CFAP52: variants seen among roughly 807,000 people sequenced by gnomAD.
The protein encoded by CFAP52 is cilia and flagella associated protein 52, also known as cilia- and flagella-associated protein 52.
In CFAP52, 57 loss-of-function variants were observed where a neutral mutation model predicts 70.5. The observed-to-expected ratio is 0.81, with a 90% CI of 0.65 to 1.01. The LOEUF (loss-of-function observed/expected upper bound fraction) is 1.01, where lower values mean the gene tolerates loss of function less well. Among genes scored for constraint, CFAP52 ranks in the 50% least tolerant of loss-of-function variants. CFAP52 has a pLI of 0.00. For missense variants in CFAP52, 785 were observed against 788.5 expected (o/e 1.00, Z 0.05); for synonymous variants, 267 against 292.5 (o/e 0.91, Z 0.89).
At chr17:9,601,773 AC>A (rs1426844832) in intron 6 of CFAP52, among the ~76,000 whole-genome samples, 6 of 152,204 alleles carry the variant, frequency 3.9e-5, no homozygotes, top group Admixed American at 2.0e-4. Context: ...TATTTCCAGC[AC>A]CCCAGTAACT....
Position 9,596,059 on chromosome 17 carries a change from G to GTA in CFAP52, c.536+1780_536+1781dup, listed in dbSNP as rs796314327. On this transcript the variant is annotated intron_variant, in intron 4 of 13. Coordinates refer to ENST00000352665, the MANE Select transcript of CFAP52 (RefSeq NM_145054.5). Reference sequence around the variant, plus strand: ...TATGTATGTAGATATATATGTGTGTGTATATATATATATATATATATATAT... The same window carrying GTA: ...TATGTATGTAGATATATATGTGTGTGTATATATATATATATATATATATATAT... 2.3e-3 allele frequency among the ~76,000 whole-genome samples: 200 copies of GTA among 85,154 alleles called. 1 individual carries two copies. Among genetic ancestry groups the GTA allele is most frequent in the African/African-American group, 5.9e-3 (133 of 22,366 alleles). 55.9% of individuals were successfully genotyped at this position (85,154 alleles called of 152,430 possible). A position where few individuals can be genotyped will look rare whatever the true frequency, so the allele number is the denominator to read the frequency against.
chr17:9,607,998 A>T (rs1909563567), intron 6 of CFAP52, 121 bp from the exon 7 acceptor site: 2 of 677,678 alleles, frequency 3.0e-6, no homozygotes, highest in South Asian at 3.4e-5. Flanking sequence ...ATTAATATTT[A>T]AAATTTTTTT....
intron 10 of CFAP52, 58 bp downstream of exon 10, chr17:9,633,091 G>A: frequency 1.3e-6 from 2 of 1,554,686 alleles, no homozygotes; most frequent in Non-Finnish European, 1.7e-6. Context: ...TGCCCTATAG[G>A]AAGCCATCTA....
chr17:9,624,720 A>G (rs1368433325), intron 8 of CFAP52, among the ~76,000 whole-genome samples: 1 of 151,862 alleles, frequency 6.6e-6, no homozygotes, highest in Non-Finnish European at 1.5e-5. Context: ...ATATTTTCCT[A>G]TTTCTTTGCA....
At position 9,607,944 on chromosome 17, in the gene CFAP52, G is replaced by A. The variant is rs544995890; in HGVS notation, c.754-175G>A. Among the ~76,000 whole-genome samples, 29 of 151,964 alleles carry A rather than the reference G, an allele frequency of 1.9e-4. No individual in the cohort carries two copies. The South Asian group carries it at 6.0e-3, about 32-fold the overall frequency. On this transcript the variant is annotated intron_variant, in intron 6 of 13. Coordinates refer to ENST00000352665, the MANE Select transcript of CFAP52 (RefSeq NM_145054.5). ...ATGTGTGCAGCACTGGCATGACTTT[G>A]GCCATCTTTAATTCATCTTTCATTC...
chr17:9,635,336 T>C, intron 10 of CFAP52, 69 bp from the exon 11 acceptor site: 1 of 1,580,162 alleles, frequency 6.3e-7, no homozygotes, highest in Non-Finnish European at 8.6e-7. Context: ...GAAAAAGCTC[T>C]TGGAATCTTT....
At chr17:9,642,940 GA>G (rs1911143704) in intron 13 of CFAP52, 82 bp from the exon 14 acceptor site, 6 of 1,196,530 alleles carry the variant, frequency 5.0e-6, no homozygotes, top group Non-Finnish European at 5.6e-6. Flanking sequence ...GGACCATGTT[GA>G]AAATGATCCA....
chr17:9,586,655 T>C lies in CFAP52; in HGVS notation c.271-43T>C. ...AAGGGTAGCTATCTCCTCAGATGCTTTTAATGCCTCCCTATGATCTGACGG... is the reference window on the plus strand; with the variant it reads ...AAGGGTAGCTATCTCCTCAGATGCTCTTAATGCCTCCCTATGATCTGACGG... On this transcript the variant is annotated intron_variant, in intron 2 of 13. Transcript: ENST00000352665. 3.9e-6 allele frequency: 6 copies of C among 1,555,966 alleles called. 1 individual carries two copies. Among genetic ancestry groups the C allele is most frequent in the Non-Finnish European group, 8.6e-7 (1 of 1,156,100 alleles).
Position 9,585,766 on chromosome 17 carries a change from C to A in CFAP52, c.71-7C>A, listed in dbSNP as rs74409753. 5 of 1,613,876 alleles carry A rather than the reference C, an allele frequency of 3.1e-6. No individual in the cohort carries two copies. Among genetic ancestry groups the A allele is most frequent in the Non-Finnish European group, 4.2e-6 (5 of 1,179,954 alleles). On this transcript the variant is annotated splice_region_variant and splice_polypyrimidine_tract_variant and intron_variant, in intron 1 of 13. Coordinates refer to ENST00000352665, the MANE Select transcript of CFAP52 (RefSeq NM_145054.5). ...GATTATTATTACTGTGAATCTCTCT[C>A]TTTTAGGACATGTGCCCACTGGTCT... is the stretch of plus-strand genomic sequence containing the variant.
chr17:9,590,286 T>C (rs1908689192), intron 3 of CFAP52: 1 of 188,266 alleles, frequency 5.3e-6, no homozygotes, highest in Non-Finnish European at 1.2e-5. Flanking sequence ...GGCCAAGGTG[T>C]TTTCCCATCA....
At chr17:9,584,342 T>A (rs1567619287) in intron 1 of CFAP52, 1 of 1,290,574 alleles carries the variant, frequency 7.7e-7, no homozygotes, top group Non-Finnish European at 1.0e-6. Flanking sequence ...GGTGTCACCA[T>A]GAAAGGTCCC....
chr17:9,638,767 G>A (rs1220480245), intron 12 of CFAP52, 56 bp downstream of exon 12: 4 of 1,566,352 alleles, frequency 2.6e-6, no homozygotes, highest in African/African-American at 1.4e-5. Context: ...AAGCAGTGAG[G>A]CGTTGTGGTG....
intron 5 of CFAP52, among the ~76,000 whole-genome samples, chr17:9,599,489 A>G (rs1372236495): frequency 6.6e-6 from 1 of 152,186 alleles, no homozygotes; most frequent in Non-Finnish European, 1.5e-5. Flanking sequence ...GAGGATGCCT[A>G]TTAACATCAG....
At chr17:9,588,503 C>G (rs983353539) in intron 3 of CFAP52, among the ~76,000 whole-genome samples, 4 of 152,182 alleles carry the variant, frequency 2.6e-5, no homozygotes, top group Admixed American at 2.0e-4. Context: ...TTGATGAGAG[C>G]TGCTGCTGAA....
chr17:9,600,756 CG>C, intron 6 of CFAP52, among the ~76,000 whole-genome samples: 1 of 152,162 alleles, frequency 6.6e-6, no homozygotes, highest in African/African-American at 2.4e-5. Flanking sequence ...TTAATAGAGA[CG>C]GGGTTTCACT....
At chr17:9,584,393 C>A (rs752343786) in intron 1 of CFAP52, 3 of 1,260,490 alleles carry the variant, frequency 2.4e-6, no homozygotes, top group Non-Finnish European at 3.1e-6. Context: ...GAACTGAAAC[C>A]GAAAGTTAAA....
At chr17:9,631,052 G>GAGACAGAAAGAAAGAAAGAA (rs370935367) in intron 9 of CFAP52, among the ~76,000 whole-genome samples, 1 of 37,950 alleles carries the variant, frequency 2.6e-5, no homozygotes, top group Non-Finnish European at 4.5e-5. Flanking sequence ...GAGAGAGAGA[G>GAGACAGAAAGAAAGAAAGAA]AGAAAGAAAG....
At position 9,641,719 on chromosome 17, in the gene CFAP52, TC is replaced by T; in HGVS notation, c.1576-3del. The T allele has an allele frequency of 3.1e-6, 5 of 1,608,158 alleles. No individual in the cohort carries two copies. The highest frequency in any genetic ancestry group is 4.3e-6 in the Non-Finnish European group (5 of 1,174,804). ...CCTGCTTAATGCTTCTTTCCTGAAT[TC>T]CAGATTGCTTACTGGGAAGTATTTG... On this transcript the variant is annotated splice_region_variant and splice_polypyrimidine_tract_variant and intron_variant, in intron 12 of 13. Coordinates refer to ENST00000352665, the MANE Select transcript of CFAP52 (RefSeq NM_145054.5).
At position 9,638,675 on chromosome 17, in the gene CFAP52, G is replaced by A. The variant is rs200234895; in HGVS notation, c.1539G>A (p.Glu513=). The A allele has an allele frequency of 2.5e-5, 41 of 1,614,144 alleles. No individual in the cohort carries two copies. The African/African-American group carries it at 5.1e-4, about 20-fold the overall frequency. Residue 513 remains glutamate, a synonymous_variant, in exon 12 of 14, where the codon GAG becomes GAA. Transcript: ENST00000352665. ...TCCAGTGTGTGTGCTATCACCCTGAGGAGTTCCAGATCATCACCAGCGGAA... is the reference window on the plus strand; with the variant it reads ...TCCAGTGTGTGTGCTATCACCCTGAAGAGTTCCAGATCATCACCAGCGGAA... ...TLFQCVCYHP[E]EFQIITSGTD...
Sources: allele counts gnomAD v4.1 joint callset (sites outside exome capture counted in the v4.1 genomes callset), GRCh38; gene constraint gnomAD v4.1.1; transcripts MANE v1.5; gene names NCBI Gene and HGNC (gene_info 2026-07-23, HGNC 2026-07-21).